DENND10: variants seen among roughly 807,000 people sequenced by gnomAD.
The protein encoded by DENND10 is DENN domain containing 10, also known as DENN domain-containing protein 10.
Under a neutral mutation model 43.6 loss-of-function variants are expected in DENND10, and 24 were observed. The ratio of observed to expected loss-of-function variants is 0.55; its 90% confidence interval spans 0.40 to 0.77. The LOEUF is 0.77. Ranked by LOEUF, DENND10 falls within the 30% of genes least tolerant of loss-of-function variation. The pLI is 0.00. For missense variants in DENND10, 303 were observed against 429.9 expected, an observed-to-expected ratio of 0.70 and a Z score of 2.61; for synonymous variants, 125 against 157.6, an observed-to-expected ratio of 0.79 and a Z score of 1.55.
At chr10:119,131,970 C>G (rs1465978112) in intron 7 of DENND10, among the ~76,000 whole-genome samples, 1 of 152,194 alleles carries the variant, frequency 6.6e-6, no homozygotes, top group African/African-American at 2.4e-5. Context: ...CTTGAAGTGA[C>G]AAACAAGTTT....
intron 2 of DENND10, among the ~76,000 whole-genome samples, chr10:119,108,379 A>G (rs182057165): frequency 0.018 from 2,680 of 150,794 alleles, 69 homozygotes; most frequent in African/African-American, 0.063. Context: ...GCTACTCAGG[A>G]GGCTGAGGCA....
At chr10:119,112,372 A>G (rs566245621) in intron 3 of DENND10, among the ~76,000 whole-genome samples, 1 of 152,296 alleles carries the variant, frequency 6.6e-6, no homozygotes, top group Admixed American at 6.5e-5. Context: ...CTGAGAAGCT[A>G]GGGAATTCTG....
intron 1 of DENND10, among the ~76,000 whole-genome samples, chr10:119,105,905 G>GA (rs1261069675): frequency 6.6e-6 from 1 of 152,056 alleles, no homozygotes; most frequent in East Asian, 1.9e-4. Context: ...AAAAGAAATT[G>GA]AAAAAAGAGG....
Position 119,132,439 on chromosome 10 carries a change from C to T in DENND10, c.803-76C>T. On this transcript the variant is annotated intron_variant, in intron 7 of 8. Coordinates refer to ENST00000361432, the MANE Select transcript of DENND10 (RefSeq NM_207009.4). The surrounding 1 kb of genome is among the most constrained non-coding windows in gnomAD (Gnocchi z 4.2). ...TTTTTGAAAATTCCCTCAGTGTGGTCTTCCAAGTTTTCAGATAGATGGCAT... is the reference window on the plus strand; with the variant it reads ...TTTTTGAAAATTCCCTCAGTGTGGTTTTCCAAGTTTTCAGATAGATGGCAT... 2 of 1,253,034 alleles carry T rather than the reference C, an allele frequency of 1.6e-6. 1 individual carries two copies. The highest frequency in any genetic ancestry group is 2.3e-6 in the Non-Finnish European group (2 of 853,148). 77.6% of individuals were successfully genotyped at this position (1,253,034 alleles called of 1,614,324 possible). A position where few individuals can be genotyped will look rare whatever the true frequency, so the allele number is the denominator to read the frequency against.
At position 119,113,093 on chromosome 10, in the gene DENND10, C is replaced by T. The variant is rs550667651; in HGVS notation, c.332+1165C>T. On this transcript the variant is annotated intron_variant, in intron 3 of 8. Transcript: ENST00000361432. ...CTTGAACTCCTGACCTCAAGTGATC[C>T]GCCCGCCTTGGCCTCCCAAAGTGCT... Among the ~76,000 whole-genome samples, 236 of 149,104 alleles carry T rather than the reference C, an allele frequency of 1.6e-3. 2 individuals carry two copies. Among genetic ancestry groups the T allele is most frequent in the African/African-American group, 5.4e-3 (221 of 40,628 alleles).
intron 5 of DENND10, among the ~76,000 whole-genome samples, chr10:119,122,645 G>A (rs1422803761): frequency 6.6e-6 from 1 of 152,134 alleles, no homozygotes; most frequent in Admixed American, 6.5e-5. Context: ...AGGGGTTCAT[G>A]AAGCCACAGA....
intron 2 of DENND10, among the ~76,000 whole-genome samples, chr10:119,108,596 C>T (rs1844819028): frequency 6.6e-6 from 1 of 152,004 alleles, no homozygotes; most frequent in Non-Finnish European, 1.5e-5. Flanking sequence ...TATTATATGA[C>T]AGACCCTGTA....
intron 8 of DENND10, among the ~76,000 whole-genome samples, chr10:119,135,809 A>AAAAAAAAAAAAAAAAAAC (rs1564804519): frequency 1.3e-5 from 2 of 150,192 alleles, no homozygotes; most frequent in Non-Finnish European, 1.5e-5. Flanking sequence ...AAAAAAAAAA[A>AAAAAAAAAAAAAAAAAAC]AAAAAAACCA....
At position 119,106,887 on chromosome 10, in the gene DENND10, C is replaced by A. The variant is rs1432994624; in HGVS notation, c.56-1081C>A. Reference sequence around the variant, plus strand: ...TGGAGAAACCAAAACCCCATCTTTACTAAAAATACAAAATTAGCCAGGAGT... The same window carrying A: ...TGGAGAAACCAAAACCCCATCTTTAATAAAAATACAAAATTAGCCAGGAGT... On this transcript the variant is annotated intron_variant, in intron 1 of 8. Coordinates refer to ENST00000361432, the MANE Select transcript of DENND10 (RefSeq NM_207009.4). Among the ~76,000 whole-genome samples the A allele has an allele frequency of 2.6e-5, 4 of 151,652 alleles. No individual in the cohort carries two copies. In the South Asian group the frequency reaches 8.3e-4, roughly 32 times the overall value.
intron 7 of DENND10, 117 bp downstream of exon 7, chr10:119,129,739 T>C: frequency 1.4e-6 from 1 of 692,502 alleles, no homozygotes; most frequent in Non-Finnish European, 2.6e-6. Flanking sequence ...TGAAGATGGA[T>C]ATTTCCGTGT....
chr10:119,117,584 G>A lies in DENND10; in HGVS notation c.398G>A (p.Gly133Glu), dbSNP rs895000240. Reference protein sequence around the residue: ...MESYIAVLTKGICQSEENGSF... With the variant: ...MESYIAVLTKEICQSEENGSF... Reference sequence around the variant, plus strand: ...AGTTATATTGCAGTTCTCACAAAGGGGATATGCCAGAGTGAAGAAAACGGC... The same window carrying A: ...AGTTATATTGCAGTTCTCACAAAGGAGATATGCCAGAGTGAAGAAAACGGC... Residue 133 changes from glycine (G) to glutamate (E), a missense_variant, in exon 4 of 9, where the codon GGG becomes GAG. Transcript: ENST00000361432. 3 of 1,613,994 alleles carry A rather than the reference G, an allele frequency of 1.9e-6. No homozygotes were observed. Among genetic ancestry groups the A allele is most frequent in the Non-Finnish European group, 2.5e-6 (3 of 1,179,890 alleles).
At chr10:119,111,428 TAGTG>T (rs767487178) in intron 2 of DENND10, among the ~76,000 whole-genome samples, 11 of 150,956 alleles carry the variant, frequency 7.3e-5, no homozygotes, top group Non-Finnish European at 1.6e-4. Flanking sequence ...CTAGGCAACA[TAGTG>T]AGACCCCAAC....
intron 3 of DENND10, among the ~76,000 whole-genome samples, chr10:119,117,183 C>T (rs1168686967): frequency 2.6e-5 from 4 of 151,682 alleles, no homozygotes; most frequent in Non-Finnish European, 5.9e-5. Flanking sequence ...ACCAGCCTGG[C>T]CAACATGGTG....
At chr10:119,115,857 G>A (rs1319463037) in intron 3 of DENND10, among the ~76,000 whole-genome samples, 3 of 149,552 alleles carry the variant, frequency 2.0e-5, no homozygotes, top group Non-Finnish European at 3.0e-5. Context: ...TCCTCTTCCT[G>A]GGTTCAAGCA....
intron 3 of DENND10, among the ~76,000 whole-genome samples, chr10:119,116,007 G>A (rs755761082): frequency 1.6e-4 from 25 of 151,964 alleles, no homozygotes; most frequent in Non-Finnish European, 1.6e-4. Flanking sequence ...CAAGTGATCC[G>A]CCCACCTTGG....
At chr10:119,104,387 C>T (rs1564773865) in intron 1 of DENND10, among the ~76,000 whole-genome samples, 190 bp downstream of exon 1, 1 of 151,336 alleles carries the variant, frequency 6.6e-6, no homozygotes, top group African/African-American at 2.4e-5. Flanking sequence ...CCCGGCCCGC[C>T]GCCCTCGCCC....
intron 2 of DENND10, among the ~76,000 whole-genome samples, chr10:119,108,423 C>T (rs1392062695): frequency 2.7e-5 from 4 of 146,300 alleles, no homozygotes; most frequent in Non-Finnish European, 4.5e-5. Flanking sequence ...GCGGAGGTTG[C>T]GGTGAGCCAA....
intron 4 of DENND10, among the ~76,000 whole-genome samples, 160 bp downstream of exon 4, chr10:119,117,827 C>T (rs1466243897): frequency 2.6e-5 from 4 of 151,754 alleles, no homozygotes; most frequent in Non-Finnish European, 4.4e-5. Context: ...ATTAGCCGGG[C>T]GTGGTGGCAC....
At position 119,137,540 on chromosome 10, in the gene DENND10, A is replaced by G. The variant is rs1846414728; in HGVS notation, c.*893A>G. 3 of 166,912 alleles carry G rather than the reference A, an allele frequency of 1.8e-5. No homozygotes were observed. In the South Asian group the frequency reaches 6.2e-4, roughly 35 times the overall value. 10.3% of individuals were successfully genotyped at this position (166,912 alleles called of 1,614,324 possible). ...AAGTAGTTTGGCCACATGTCAAGCC[A>G]ATTGTTTGTACTATTTATGTACCTT... On this transcript the variant is annotated 3_prime_UTR_variant, in exon 9 of 9. Coordinates refer to ENST00000361432, the MANE Select transcript of DENND10 (RefSeq NM_207009.4).
Sources: gnomAD v4.1 joint callset for allele counts (sites outside exome capture counted in the v4.1 genomes callset) on GRCh38, gnomAD v4.1.1 for gene constraint, Gnocchi (gnomAD v3.1) non-coding constraint, MANE v1.5 for transcripts, NCBI Gene and HGNC (gene_info 2026-07-23, HGNC 2026-07-21) for gene names.